Variants in BMPR1A observed in about 807,000 individuals in gnomAD.
BMPR1A encodes bone morphogenetic protein receptor type-1A.
In BMPR1A, 7 loss-of-function variants were observed where a neutral mutation model predicts 66.0. The ratio of observed to expected loss-of-function variants is 0.11; its 90% confidence interval spans 0.06 to 0.20. The LOEUF (loss-of-function observed/expected upper bound fraction) is 0.20, where lower values mean the gene tolerates loss of function less well. Ranked by LOEUF, BMPR1A falls within the 10% of genes least tolerant of loss-of-function variation. BMPR1A has a pLI of 1.00. For missense variants in BMPR1A, 408 were observed against 669.1 expected, an observed-to-expected ratio of 0.61 and a Z score of 4.31; for synonymous variants, 200 against 229.7, an observed-to-expected ratio of 0.87 and a Z score of 1.17.
intron 1 of BMPR1A, among the ~76,000 whole-genome samples, chr10:86,821,568 GCA>G (rs1564695136): frequency 6.6e-6 from 1 of 152,054 alleles, no homozygotes; most frequent in Non-Finnish European, 1.5e-5. Flanking sequence ...TAGAGAGGCT[GCA>G]TTTATACCTC....
chr10:86,776,054 A>G (rs141696620), intron 1 of BMPR1A, among the ~76,000 whole-genome samples: 2 of 152,306 alleles, frequency 1.3e-5, no homozygotes, highest in African/African-American at 2.4e-5. Context: ...CTTGTTCTTA[A>G]GGATTCTTAA....
intron 5 of BMPR1A, among the ~76,000 whole-genome samples, chr10:86,893,264 A>G (rs896093796): frequency 1.3e-5 from 2 of 152,148 alleles, no homozygotes; most frequent in African/African-American, 4.8e-5. Context: ...AAGGCCTTGT[A>G]AGGAGGTGTC....
intron 1 of BMPR1A, among the ~76,000 whole-genome samples, chr10:86,820,645 C>G (rs1052492865): frequency 5.3e-5 from 8 of 152,226 alleles, no homozygotes; most frequent in Admixed American, 2.0e-4. Flanking sequence ...TCCCTTGATA[C>G]TGCCATTACC....
chr10:86,822,348 A>T (rs1319433954), intron 1 of BMPR1A, among the ~76,000 whole-genome samples: 1 of 152,184 alleles, frequency 6.6e-6, no homozygotes, highest in Non-Finnish European at 1.5e-5. Flanking sequence ...TAATGGTTTG[A>T]AACAGCTTTA....
intron 1 of BMPR1A, among the ~76,000 whole-genome samples, chr10:86,791,920 C>T (rs943086350): frequency 5.1e-4 from 75 of 146,900 alleles, no homozygotes; most frequent in African/African-American, 1.7e-3. Context: ...GGTTTCACCA[C>T]GTTGGCCAGG....
At chr10:86,794,150 G>A (rs1161611817) in intron 1 of BMPR1A, among the ~76,000 whole-genome samples, 1 of 152,164 alleles carries the variant, frequency 6.6e-6, no homozygotes, top group East Asian at 1.9e-4. Context: ...ATAGGTTACA[G>A]GGATTAGGAT....
chr10:86,886,257 G>A (rs1700817888), intron 3 of BMPR1A, among the ~76,000 whole-genome samples: 1 of 152,190 alleles, frequency 6.6e-6, no homozygotes, highest in East Asian at 1.9e-4. Context: ...GGAGCACACA[G>A]TGGAGGTTGG....
At chr10:86,881,575 G>C (rs1347877039) in intron 3 of BMPR1A, among the ~76,000 whole-genome samples, 1 of 152,170 alleles carries the variant, frequency 6.6e-6, no homozygotes, top group African/African-American at 2.4e-5. Context: ...ATAGACACAT[G>C]TGACTTGTGG....
At chr10:86,796,738 A>G (rs941264951) in intron 1 of BMPR1A, among the ~76,000 whole-genome samples, 1 of 151,570 alleles carries the variant, frequency 6.6e-6, no homozygotes, top group Non-Finnish European at 1.5e-5. Flanking sequence ...CACTCCAGCT[A>G]ATTTTTGTAT....
chr10:86,856,245 A>G (rs1362454854), intron 2 of BMPR1A: 3 of 522,372 alleles, frequency 5.7e-6, no homozygotes, highest in Non-Finnish European at 1.2e-5. Context: ...CCCCTTTTAG[A>G]AGCATCTTCT....
chr10:86,877,186 C>A (rs1842929896), intron 3 of BMPR1A, among the ~76,000 whole-genome samples: 1 of 151,730 alleles, frequency 6.6e-6, no homozygotes, highest in African/African-American at 2.4e-5. Flanking sequence ...TGATTAACAC[C>A]ATAAAGCTTT....
intron 1 of BMPR1A, among the ~76,000 whole-genome samples, chr10:86,773,272 GAACCTA>G (rs1564679561): frequency 6.6e-6 from 1 of 151,698 alleles, no homozygotes; most frequent in Non-Finnish European, 1.5e-5. Flanking sequence ...TAGGGAAGCA[GAACCTA>G]AACTGTAGGA....
At chr10:86,906,019 C>T (rs185990895) in intron 7 of BMPR1A, among the ~76,000 whole-genome samples, 332 of 152,160 alleles carry the variant, frequency 2.2e-3, no homozygotes, top group African/African-American at 7.6e-3. Context: ...TACCATATTC[C>T]TTCTGCCTGA....
At chr10:86,918,050 G>C (rs546167675) in intron 9 of BMPR1A, among the ~76,000 whole-genome samples, 1 of 152,246 alleles carries the variant, frequency 6.6e-6, no homozygotes, top group East Asian at 1.9e-4. Context: ...CTGGCTACTG[G>C]TTGGTGGCCA....
chr10:86,757,603 C>T (rs1589700723), intron 1 of BMPR1A, among the ~76,000 whole-genome samples: 1 of 152,160 alleles, frequency 6.6e-6, no homozygotes, highest in South Asian at 2.1e-4. Flanking sequence ...TAGGGTCTGG[C>T]GTTTGAGCGT....
chr10:86,869,079 TA>T (rs1343498966), intron 2 of BMPR1A, among the ~76,000 whole-genome samples: 2 of 152,200 alleles, frequency 1.3e-5, no homozygotes, highest in African/African-American at 4.8e-5. Context: ...CAAGATTAGA[TA>T]TTTTTAATGT....
intron 8 of BMPR1A, among the ~76,000 whole-genome samples, chr10:86,916,855 T>C (rs1040215545): frequency 6.6e-6 from 1 of 152,012 alleles, no homozygotes; most frequent in African/African-American, 2.4e-5. Context: ...TAGCTGGGCA[T>C]GGTGGCGGGT....
intron 5 of BMPR1A, among the ~76,000 whole-genome samples, chr10:86,896,435 A>G (rs1843225544): frequency 6.6e-6 from 1 of 152,224 alleles, no homozygotes; most frequent in African/African-American, 2.4e-5. Flanking sequence ...ACTTAAAGAC[A>G]TACAGTTATA....
intron 1 of BMPR1A, among the ~76,000 whole-genome samples, chr10:86,762,023 C>T (rs1042975489): frequency 1.3e-5 from 2 of 152,158 alleles, no homozygotes; most frequent in African/African-American, 4.8e-5. Context: ...TATATTCCAA[C>T]AGTGGGAATT....
Sources: gnomAD v4.1 joint callset for allele counts (sites outside exome capture counted in the v4.1 genomes callset) on GRCh38, gnomAD v4.1.1 for gene constraint, MANE v1.5 for transcripts, NCBI Gene and HGNC (gene_info 2026-07-23, HGNC 2026-07-21) for gene names.